Variants in PLXNA2 observed in about 807,000 individuals in gnomAD.
The protein encoded by PLXNA2 is plexin A2.
A neutral mutation model predicts 193.5 loss-of-function variants in PLXNA2; 91 were observed. That is an observed-to-expected ratio of 0.47 (90% CI 0.40 to 0.56). PLXNA2 has a LOEUF of 0.56. PLXNA2 is among the 20% of genes least tolerant of loss of function. The pLI is 0.00. For missense variants in PLXNA2, 1,995 were observed against 2,503.2 expected (o/e 0.80, Z 4.33); for synonymous variants, 997 against 1,027.3 (o/e 0.97, Z 0.56).
chr1:208,188,730 A>G (rs940168955), intron 3 of PLXNA2, among the ~76,000 whole-genome samples: 11 of 152,076 alleles, frequency 7.2e-5, no homozygotes, highest in Non-Finnish European at 1.5e-4. Flanking sequence ...AAAAAAAGAA[A>G]AAAAATGGAG....
At chr1:208,226,620 A>G (rs753513738) in intron 1 of PLXNA2, among the ~76,000 whole-genome samples, 2 of 152,086 alleles carry the variant, frequency 1.3e-5, no homozygotes, top group Non-Finnish European at 2.9e-5. Context: ...AGGGAGATAC[A>G]CCGCCTGACC....
At chr1:208,189,320 T>C (rs1391062732) in intron 3 of PLXNA2, among the ~76,000 whole-genome samples, 1 of 152,116 alleles carries the variant, frequency 6.6e-6, no homozygotes, top group Non-Finnish European at 1.5e-5. Flanking sequence ...GTGGTCTGTG[T>C]TACCTGACTC....
At chr1:208,208,625 A>G (rs1239423437) in intron 3 of PLXNA2, among the ~76,000 whole-genome samples, 1 of 152,222 alleles carries the variant, frequency 6.6e-6, no homozygotes, top group African/African-American at 2.4e-5. Flanking sequence ...AGAATGACAC[A>G]CATGACCTGG....
chr1:208,168,942 G>A (rs1380868529), intron 3 of PLXNA2, among the ~76,000 whole-genome samples: 4 of 151,824 alleles, frequency 2.6e-5, no homozygotes, highest in South Asian at 2.1e-4. Flanking sequence ...CCAGGATCAC[G>A]GACTCTCAAC....
chr1:208,066,058 G>A (rs1665786471), intron 12 of PLXNA2, among the ~76,000 whole-genome samples: 2 of 152,090 alleles, frequency 1.3e-5, no homozygotes, highest in South Asian at 4.1e-4. Flanking sequence ...GTGAGTGAGT[G>A]TGTGTGTGGT....
At chr1:208,192,105 G>A (rs900563841) in intron 3 of PLXNA2, among the ~76,000 whole-genome samples, 7 of 152,096 alleles carry the variant, frequency 4.6e-5, no homozygotes, top group Non-Finnish European at 7.4e-5. Context: ...CTCTCAGCCC[G>A]TGCTGCCTGA....
chr1:208,094,673 C>A (rs1389113129), intron 8 of PLXNA2, among the ~76,000 whole-genome samples: 1 of 152,200 alleles, frequency 6.6e-6, no homozygotes, highest in African/African-American at 2.4e-5. Flanking sequence ...GGTTAGAGGG[C>A]AGCTTTGTCT....
At chr1:208,030,865 G>A in intron 29 of PLXNA2, 1 of 985,436 alleles carries the variant, frequency 1.0e-6, no homozygotes, top group Non-Finnish European at 1.2e-6. Flanking sequence ...TCCTTAGCTT[G>A]GTCTGTGGTC....
At chr1:208,094,186 A>C (rs2102405476) in intron 8 of PLXNA2, among the ~76,000 whole-genome samples, 1 of 152,332 alleles carries the variant, frequency 6.6e-6, no homozygotes. Context: ...AAATAATGAA[A>C]ATGGACCAAG....
chr1:208,181,673 C>G (rs1669846938), intron 3 of PLXNA2, among the ~76,000 whole-genome samples: 1 of 152,174 alleles, frequency 6.6e-6, no homozygotes, highest in Non-Finnish European at 1.5e-5. Context: ...GGGAATCTCA[C>G]CCCTGCTCTC....
At chr1:208,070,243 AAGACAT>A (rs1289116455) in intron 12 of PLXNA2, among the ~76,000 whole-genome samples, 3 of 152,116 alleles carry the variant, frequency 2.0e-5, no homozygotes, top group Non-Finnish European at 4.4e-5. Flanking sequence ...GCCAGGACTT[AAGACAT>A]GGCTAAGGCC....
chr1:208,105,119 C>T (rs1030746560), intron 4 of PLXNA2, among the ~76,000 whole-genome samples: 11 of 152,200 alleles, frequency 7.2e-5, no homozygotes, highest in Non-Finnish European at 1.5e-4. Flanking sequence ...CCGCAGCCTG[C>T]CCTAGGAGAG....
chr1:208,178,256 G>A (rs1377146686), intron 3 of PLXNA2, among the ~76,000 whole-genome samples: 1 of 152,176 alleles, frequency 6.6e-6, no homozygotes, highest in Non-Finnish European at 1.5e-5. Context: ...GCCTTGCTTT[G>A]AAAATTAATG....
At chr1:208,241,635 C>G (rs768943331) in intron 1 of PLXNA2, among the ~76,000 whole-genome samples, 11 of 152,222 alleles carry the variant, frequency 7.2e-5, no homozygotes, top group Non-Finnish European at 1.6e-4. Context: ...GCACATCGCT[C>G]CAAATGTCAT....
In PLXNA2 at chr1:208,229,877, C is replaced by T. The variant is rs577342916; in HGVS notation, c.-80-11875G>A. ...CCCTTGGAAGGTTCCAGAACAGGGT[C>T]TTCAACAAGGAGGTCAAACTCGCAG... On this transcript the variant is annotated intron_variant, in intron 1 of 31. Coordinates refer to ENST00000367033, the MANE Select transcript of PLXNA2 (RefSeq NM_025179.4). 8.0e-4 allele frequency among the ~76,000 whole-genome samples: 122 copies of T among 152,310 alleles called. 3 individuals are homozygous for T. In the South Asian group the frequency reaches 0.024, roughly 30 times the overall value.
intron 6 of PLXNA2, 117 bp downstream of exon 6, chr1:208,098,729 T>G: frequency 8.3e-7 from 1 of 1,211,892 alleles, no homozygotes; most frequent in Non-Finnish European, 1.2e-6. Flanking sequence ...TAAAGTCTCC[T>G]TACTGGATTT....
intron 3 of PLXNA2, among the ~76,000 whole-genome samples, chr1:208,165,172 G>A (rs2102520921): frequency 6.6e-6 from 1 of 152,340 alleles, no homozygotes; most frequent in African/African-American, 2.4e-5. Context: ...TCAGCCTGGA[G>A]CTTGGGCATC....
At chr1:208,064,779 G>C (rs1665735110) in intron 12 of PLXNA2, among the ~76,000 whole-genome samples, 1 of 151,890 alleles carries the variant, frequency 6.6e-6, no homozygotes, top group Non-Finnish European at 1.5e-5. Context: ...GGGGAGGCTT[G>C]GTGACAAAGA....
intron 3 of PLXNA2, among the ~76,000 whole-genome samples, chr1:208,158,200 G>T (rs377070290): frequency 1.3e-4 from 20 of 152,146 alleles, no homozygotes; most frequent in African/African-American, 4.6e-4. Flanking sequence ...GAGAGAAATG[G>T]TGGTCTCTAA....
Sources: gnomAD v4.1 joint callset for allele counts (sites outside exome capture counted in the v4.1 genomes callset) on GRCh38, gnomAD v4.1.1 for gene constraint, MANE v1.5 for transcripts, NCBI Gene and HGNC (gene_info 2026-07-23, HGNC 2026-07-21) for gene names.